PARVB: variants seen among roughly 807,000 people sequenced by gnomAD.
PARVB encodes beta-parvin.
A neutral mutation model predicts 47.0 loss-of-function variants in PARVB; 46 were observed. The observed-to-expected ratio is 0.98, with a 90% CI of 0.77 to 1.25. The LOEUF is 1.25. Among genes scored for constraint, PARVB ranks in the 50% most tolerant of loss-of-function variants. PARVB has a pLI of 0.00. For missense variants in PARVB, 473 were observed against 471.6 expected (o/e 1.00, Z -0.03); for synonymous variants, 196 against 196.3 (o/e 1.00, Z 0.01).
At chr22:44,136,173 G>T (rs1485751977) in intron 6 of PARVB, among the ~76,000 whole-genome samples, 1 of 152,074 alleles carries the variant, frequency 6.6e-6, no homozygotes, top group Non-Finnish European at 1.5e-5. Context: ...ATCCTGACCT[G>T]GGGTGTTTCT....
rs367816299 is a variant in PARVB at position 44,033,981 on chromosome 22, T to C, written c.112+9530T>C. Among the ~76,000 whole-genome samples, 46 of 152,008 alleles carry C rather than the reference T, an allele frequency of 3.0e-4. No individual in the cohort carries two copies. The East Asian group carries it at 3.7e-3, about 12-fold the overall frequency. On this transcript the variant is annotated intron_variant, in intron 1 of 12. Coordinates refer to ENST00000338758, the MANE Select transcript of PARVB (RefSeq NM_013327.5). ...TTTAAACATGTGGATGGAGTGCCCC[T>C]GACAAGGCTGGAGAAAGGGGGAGGT...
chr22:44,106,054 TCCTGA>T (rs1233518825), intron 3 of PARVB: 5 of 151,406 alleles, frequency 3.3e-5, no homozygotes, highest in Admixed American at 3.3e-4. Flanking sequence ...GGTCTCAAAC[TCCTGA>T]CCTCAAGTGA....
In PARVB at chr22:43,999,660, T is replaced by C. The variant is rs200989495; in HGVS notation, c.198T>C (p.Tyr66=). Reference sequence around the variant, plus strand: ...GATCAGGAGTGGAAACATCTGAATATGCTCAAGGAGGAGGTAAGTTTTGGG... The same window carrying C: ...GATCAGGAGTGGAAACATCTGAATACGCTCAAGGAGGAGGTAAGTTTTGGG... Residue 66 remains tyrosine (Y), a synonymous_variant, in exon 2 of 14, where the codon TAT becomes TAC. Transcript: ENST00000406477. The C allele has an allele frequency of 3.9e-5, 63 of 1,612,870 alleles. No individual in the cohort carries two copies. The African/African-American group carries it at 8.1e-4, about 21-fold the overall frequency.
intron 7 of PARVB, among the ~76,000 whole-genome samples, chr22:44,138,146 A>G (rs966312592): frequency 2.6e-5 from 4 of 152,222 alleles, no homozygotes; most frequent in Non-Finnish European, 5.9e-5. Flanking sequence ...TGCTGGATCA[A>G]CAGAGACACT....
At position 44,092,808 on chromosome 22, in the gene PARVB, A is replaced by G. The variant is rs138987584; in HGVS notation, c.113-1120A>G. ...GTTGGCCTGCTGCTCCAAAGCCATC[A>G]TGCCACACCCCCTTGCTGTTCCATC... On this transcript the variant is annotated intron_variant, in intron 1 of 12. Coordinates refer to ENST00000338758, the MANE Select transcript of PARVB (RefSeq NM_013327.5). Among the ~76,000 whole-genome samples, 6 of 152,346 alleles carry G rather than the reference A, an allele frequency of 3.9e-5. No individual in the cohort carries two copies. In the East Asian group the frequency reaches 1.2e-3, roughly 29 times the overall value.
intron 12 of PARVB, among the ~76,000 whole-genome samples, chr22:44,167,332 G>A (rs1031271468): frequency 7.2e-5 from 11 of 152,196 alleles, no homozygotes; most frequent in African/African-American, 1.2e-4. Context: ...ATCCCTGGGC[G>A]CAGGTGCTAA....
intron 1 of PARVB, among the ~76,000 whole-genome samples, chr22:44,077,207 C>T (rs982010322): frequency 6.6e-6 from 1 of 152,150 alleles, no homozygotes; most frequent in African/African-American, 2.4e-5. Flanking sequence ...GGCTGTGCTC[C>T]CTCCAGGGCT....
rs115477506 is a variant in PARVB at position 44,086,514 on chromosome 22, G to T, written c.113-7414G>T. On this transcript the variant is annotated intron_variant, in intron 1 of 12. Transcript: ENST00000338758. ...CTCACATTTCAAGGCCTTTGCACGCGTGATGTGCCAGCAACAGCTCAGCCC... is the reference window on the plus strand; with the variant it reads ...CTCACATTTCAAGGCCTTTGCACGCTTGATGTGCCAGCAACAGCTCAGCCC... Among the ~76,000 whole-genome samples, 438 of 152,286 alleles carry T rather than the reference G, an allele frequency of 2.9e-3. 1 individual carries two copies. The highest frequency in any genetic ancestry group is 0.01 in the African/African-American group (416 of 41,548).
intron 1 of PARVB, chr22:43,999,421 G>A: frequency 6.2e-7 from 1 of 1,606,436 alleles, no homozygotes; most frequent in African/African-American, 1.3e-5. Flanking sequence ...GGTGAGCTGT[G>A]ATTTAAACAA....
upstream of PARVB, among the ~76,000 whole-genome samples, chr22:44,020,176 CT>C (rs60438723): frequency 7.6e-3 from 1,039 of 136,122 alleles, 10 homozygotes; most frequent in African/African-American, 0.019. Context: ...ACAGTCACCA[CT>C]TTTTTTTTTT....
At chr22:44,087,240 C>A (rs1460746640) in intron 1 of PARVB, among the ~76,000 whole-genome samples, 4 of 152,204 alleles carry the variant, frequency 2.6e-5, no homozygotes, top group Non-Finnish European at 5.9e-5. Context: ...TCGCCCTGAT[C>A]TTTTGTTCTC....
At chr22:44,138,151 G>A (rs2053478052) in intron 7 of PARVB, among the ~76,000 whole-genome samples, 1 of 152,210 alleles carries the variant, frequency 6.6e-6, no homozygotes. Flanking sequence ...GATCAACAGA[G>A]ACACTGAGAG....
rs189351283 is a variant in PARVB, at chr22:44,029,337, G to T, written c.112+4886G>T. ...GTTTCCTTACTGTTGAGTTGGAAGTGTTCTTCATATATTTTGGATACAAGT... is the reference window on the plus strand; with the variant it reads ...GTTTCCTTACTGTTGAGTTGGAAGTTTTCTTCATATATTTTGGATACAAGT... On this transcript the variant is annotated intron_variant, in intron 1 of 12. Transcript: ENST00000338758. Among the ~76,000 whole-genome samples the T allele has an allele frequency of 2.1e-3, 314 of 152,250 alleles. 1 individual carries two copies. Among genetic ancestry groups the T allele is most frequent in the South Asian group, 0.015 (72 of 4,826 alleles).
At chr22:44,031,682 A>G (rs780813993) in intron 1 of PARVB, among the ~76,000 whole-genome samples, 16 of 149,926 alleles carry the variant, frequency 1.1e-4, no homozygotes, top group Non-Finnish European at 2.2e-4. Context: ...TTCCCTCCCC[A>G]CCGCTGTGGA....
chr22:44,131,637 A>G lies in PARVB; in HGVS notation c.517+10A>G. 1 of 1,606,264 alleles carries G rather than the reference A, an allele frequency of 6.2e-7. No individual in the cohort carries two copies. Among genetic ancestry groups the G allele is most frequent in the Non-Finnish European group, 8.5e-7 (1 of 1,176,590 alleles). ...CGGTGGAGCGTGGACTGTGAGTTCC[A>G]CGCCACAGGGGGAGGGACTGTCTGG... On this transcript the variant is annotated intron_variant, in intron 5 of 12. Coordinates refer to ENST00000338758, the MANE Select transcript of PARVB (RefSeq NM_013327.5).
intron 10 of PARVB, 84 bp from the exon 11 acceptor site, chr22:44,157,898 A>C: frequency 1.1e-6 from 1 of 940,854 alleles, no homozygotes; most frequent in Non-Finnish European, 1.7e-6. Context: ...GTCTCAGAAG[A>C]AAAAATATGC....
intron 1 of PARVB, among the ~76,000 whole-genome samples, chr22:44,037,822 A>C (rs753051925): frequency 2.0e-5 from 3 of 152,194 alleles, no homozygotes; most frequent in Non-Finnish European, 4.4e-5. Context: ...GAGACACATT[A>C]GATCCTTTTT....
At chr22:44,122,528 CAGAGAG>C (rs1286346736) in intron 4 of PARVB, among the ~76,000 whole-genome samples, 5 of 56,116 alleles carry the variant, frequency 8.9e-5, no homozygotes, top group Admixed American at 2.3e-4. Context: ...GACAGAGAGA[CAGAGAG>C]AGAGAGAGAG....
chr22:44,092,669 T>A (rs865974762), intron 1 of PARVB, among the ~76,000 whole-genome samples: 2 of 152,160 alleles, frequency 1.3e-5, no homozygotes, highest in African/African-American at 2.4e-5. Flanking sequence ...ATTCAGCCCT[T>A]CCAAAGGCCC....
Sources: gnomAD v4.1 joint callset for allele counts (sites outside exome capture counted in the v4.1 genomes callset) on GRCh38, gnomAD v4.1.1 for gene constraint, MANE v1.5 for transcripts, NCBI Gene and HGNC (gene_info 2026-07-23, HGNC 2026-07-21) for gene names.